The following SLC38A1 variants were observed in gnomAD, a reference collection of about 807,000 sequenced individuals.
SLC38A1 encodes the protein solute carrier family 38 member 1.
Under a neutral mutation model 60.3 loss-of-function variants are expected in SLC38A1, and 18 were observed. That is an observed-to-expected ratio of 0.30 (90% confidence interval 0.21 to 0.44). The LOEUF (loss-of-function observed/expected upper bound fraction) is 0.44. Ranked by LOEUF, SLC38A1 falls within the 20% of genes least tolerant of loss-of-function variation. The pLI, the probability that SLC38A1 is intolerant of heterozygous loss-of-function variation, is 1.00. For synonymous variants in SLC38A1, 196 were observed against 212.1 expected, an observed-to-expected ratio of 0.92 and a Z score of 0.66; for missense variants, 448 against 587.2, an observed-to-expected ratio of 0.76 and a Z score of 2.45.
intron 3 of SLC38A1, chr12:46,239,211 T>C (rs1941358424): frequency 6.5e-6 from 1 of 152,870 alleles, no homozygotes; most frequent in African/African-American, 2.4e-5. Flanking sequence ...GCCCAACAGA[T>C]GTCACATAAG....
rs746270912 is a variant in SLC38A1, at chr12:46,204,529, T to C, written c.705+3A>G. 1.9e-6 allele frequency: 3 copies of C among 1,612,850 alleles called. No homozygotes were observed. Among genetic ancestry groups the C allele is most frequent in the Admixed American group, 3.3e-5 (2 of 59,942 alleles). Reference sequence around the variant, plus strand: ...CAAACCAACCATTGCAATCAGCACTTACCACAATTAGGAAAAAAACCATAC... The same window carrying C: ...CAAACCAACCATTGCAATCAGCACTCACCACAATTAGGAAAAAAACCATAC... On this transcript the variant is annotated splice_donor_region_variant and intron_variant, in intron 10 of 16. Transcript: ENST00000398637.
chr12:46,193,360 C>T (rs977250322), intron 16 of SLC38A1, among the ~76,000 whole-genome samples: 1 of 152,022 alleles, frequency 6.6e-6, no homozygotes, highest in Non-Finnish European at 1.5e-5. Context: ...ATTATGTGGC[C>T]AATTTTAGAA....
chr12:46,259,701 AC>A (rs1942140722), intron 1 of SLC38A1, among the ~76,000 whole-genome samples: 1 of 152,002 alleles, frequency 6.6e-6, no homozygotes, highest in Non-Finnish European at 1.5e-5. Context: ...AAGTGGTTTT[AC>A]TCTCTTCTTG....
intron 3 of SLC38A1, among the ~76,000 whole-genome samples, chr12:46,236,514 A>G (rs1033334415): frequency 1.3e-5 from 2 of 152,296 alleles, no homozygotes; most frequent in South Asian, 4.1e-4. Context: ...CACAAGATCA[A>G]TAAGATCTAT....
At chr12:46,201,069 A>G (rs369789735) in intron 13 of SLC38A1, 29 bp downstream of exon 13, 6 of 1,420,650 alleles carry the variant, frequency 4.2e-6, no homozygotes, top group Non-Finnish European at 5.9e-6. Flanking sequence ...ACAAATATTT[A>G]TATTTATGTA....
rs375818715 is a variant in SLC38A1 at position 46,210,178 on chromosome 12, A to G, written c.315-1051T>C. On this transcript the variant is annotated intron_variant, in intron 5 of 16. Coordinates refer to ENST00000398637, the MANE Select transcript of SLC38A1 (RefSeq NM_030674.4). Reference sequence around the variant, plus strand: ...TGAAGGCTGCTCTAGGCCCCAGCTCAGATGCCAACTCCTCAGTTGCCTTCC... The same window carrying G: ...TGAAGGCTGCTCTAGGCCCCAGCTCGGATGCCAACTCCTCAGTTGCCTTCC... Among the ~76,000 whole-genome samples, 211 of 152,304 alleles carry G rather than the reference A, an allele frequency of 1.4e-3. 6 individuals are homozygous for G. In the South Asian group the frequency reaches 0.04, roughly 29 times the overall value.
chr12:46,205,439 G>T (rs1443198649), intron 9 of SLC38A1, among the ~76,000 whole-genome samples: 1 of 152,126 alleles, frequency 6.6e-6, no homozygotes, highest in Admixed American at 6.5e-5. Context: ...CAGAATTAAA[G>T]TAAATACATT....
chr12:46,267,716 A>G (rs1174368924), intron 1 of SLC38A1: 2 of 152,284 alleles, frequency 1.3e-5, no homozygotes, highest in African/African-American at 4.8e-5. Context: ...AGGGACGCGA[A>G]CTAGGTGCCG....
intron 15 of SLC38A1, 44 bp downstream of exon 15, chr12:46,197,875 A>G: frequency 6.2e-7 from 1 of 1,605,646 alleles, no homozygotes; most frequent in Non-Finnish European, 8.5e-7. Flanking sequence ...TTTCCCTGCA[A>G]ACAGCTACTG....
chr12:46,238,862 G>A (rs1941346240), intron 3 of SLC38A1, among the ~76,000 whole-genome samples: 1 of 152,092 alleles, frequency 6.6e-6, no homozygotes, highest in Admixed American at 6.6e-5. Context: ...TATGTACTAT[G>A]TCTCTATTAT....
At chr12:46,233,262 A>T (rs184672667) in intron 3 of SLC38A1, among the ~76,000 whole-genome samples, 27 of 152,208 alleles carry the variant, frequency 1.8e-4, no homozygotes, top group Admixed American at 1.8e-3. Flanking sequence ...GGCTCAAGTG[A>T]TTCTTCCAAA....
chr12:46,255,168 C>G (rs1393103909), intron 1 of SLC38A1, among the ~76,000 whole-genome samples: 4 of 152,144 alleles, frequency 2.6e-5, no homozygotes, highest in Admixed American at 6.5e-5. Flanking sequence ...GATTATAAAA[C>G]CACCTTTTAA....
chr12:46,265,024 G>C (rs570286149), intron 1 of SLC38A1, among the ~76,000 whole-genome samples: 1 of 152,280 alleles, frequency 6.6e-6, no homozygotes, highest in Admixed American at 6.5e-5. Context: ...GAGGTAAAGG[G>C]AACTTTACTG....
chr12:46,214,370 T>C (rs1038898149), intron 5 of SLC38A1, among the ~76,000 whole-genome samples: 1 of 152,224 alleles, frequency 6.6e-6, no homozygotes, highest in Non-Finnish European at 1.5e-5. Context: ...ACAACGAACA[T>C]CTAAACATCG....
At chr12:46,240,306 C>T (rs1209509041) in intron 2 of SLC38A1, among the ~76,000 whole-genome samples, 1 of 152,200 alleles carries the variant, frequency 6.6e-6, no homozygotes, top group Non-Finnish European at 1.5e-5. Flanking sequence ...AAGCGATTCT[C>T]CTGCCTCAGC....
At chr12:46,204,235 A>G (rs1939789597) in intron 11 of SLC38A1, 66 bp downstream of exon 11, 1 of 993,554 alleles carries the variant, frequency 1.0e-6, no homozygotes, top group African/African-American at 1.6e-5. Flanking sequence ...TGCAATTACA[A>G]GCATGAGAAA....
intron 3 of SLC38A1, among the ~76,000 whole-genome samples, chr12:46,233,647 C>G (rs923957501): frequency 4.1e-4 from 62 of 152,074 alleles, no homozygotes; most frequent in African/African-American, 1.3e-3. Context: ...AGAATAAGTC[C>G]CTGTATGACT....
intron 1 of SLC38A1, among the ~76,000 whole-genome samples, chr12:46,250,914 T>C (rs1180566660): frequency 6.6e-6 from 1 of 152,220 alleles, no homozygotes; most frequent in Non-Finnish European, 1.5e-5. Context: ...ATGGCCATAC[T>C]GCCCAAGGTA....
chr12:46,197,563 A>G, intron 16 of SLC38A1, 157 bp downstream of exon 16: 1 of 598,186 alleles, frequency 1.7e-6, no homozygotes, highest in East Asian at 3.0e-5. Flanking sequence ...AGATTCTGAT[A>G]TGATATTTTA....
Sources: allele counts gnomAD v4.1 joint callset (sites outside exome capture counted in the v4.1 genomes callset), GRCh38; gene constraint gnomAD v4.1.1; transcripts MANE v1.5; gene names NCBI Gene and HGNC (gene_info 2026-07-23, HGNC 2026-07-21).